BPTF: variants seen among roughly 807,000 people sequenced by gnomAD.
BPTF encodes the protein bromodomain PHD finger transcription factor.
In BPTF, 18 loss-of-function variants were observed where a neutral mutation model predicts 292.5. That is an observed-to-expected ratio of 0.06 (90% CI 0.04 to 0.09). The LOEUF (loss-of-function observed/expected upper bound fraction) is 0.09. BPTF is among the 10% of genes least tolerant of loss of function. The pLI is 1.00. For missense variants in BPTF, 2,726 were observed against 3,498.7 expected (o/e 0.78, Z 5.57); for synonymous variants, 1,225 against 1,251.9 (o/e 0.98, Z 0.45).
chr17:67,844,420 T>C (rs2057862038), intron 1 of BPTF, among the ~76,000 whole-genome samples: 1 of 151,722 alleles, frequency 6.6e-6, no homozygotes, highest in East Asian at 2.0e-4. Flanking sequence ...GCTAATTTTT[T>C]GTATTTGTAG....
rs1555676229 is a variant in BPTF at position 67,947,825 on chromosome 17, G to A, written c.7700+17G>A. On this transcript the variant is annotated intron_variant, in intron 22 of 27. Transcript: ENST00000306378. Reference sequence around the variant, plus strand: ...GAATCAAAGGTAGGGGAGACGCAGGGTCTTGTTGTCTGTCCGTCTCTTCTC... The same window carrying A: ...GAATCAAAGGTAGGGGAGACGCAGGATCTTGTTGTCTGTCCGTCTCTTCTC... The A allele has an allele frequency of 6.5e-7, 1 of 1,547,918 alleles. No homozygotes were observed. Among genetic ancestry groups the A allele is most frequent in the Non-Finnish European group, 8.7e-7 (1 of 1,144,460 alleles).
Position 67,910,812 on chromosome 17 carries a change from ATAT to A in BPTF, c.2993-64_2993-62del. 5 of 1,143,630 alleles carry A rather than the reference ATAT, an allele frequency of 4.4e-6. No homozygotes were observed. In the African/African-American group the frequency reaches 5.3e-5, roughly 12 times the overall value. The allele number at this position is 1,143,630 out of a possible 1,614,324, so 70.8% of individuals were successfully genotyped here. On this transcript the variant is annotated intron_variant, in intron 10 of 27. Transcript: ENST00000306378. Reference sequence around the variant, plus strand: ...GAGACTCCATCTCAAAAAAAAAAATATATATATATAAATTCCTCCTTTCAGAGT... The same window carrying A: ...GAGACTCCATCTCAAAAAAAAAAATAATATATAAATTCCTCCTTTCAGAGT...
At chr17:67,923,170 C>G (rs973601807) in intron 14 of BPTF, among the ~76,000 whole-genome samples, 180 bp downstream of exon 14, 5 of 151,086 alleles carry the variant, frequency 3.3e-5, no homozygotes, top group African/African-American at 9.8e-5. Context: ...ATCCTCCCAC[C>G]TCAGCCTCCC....
At position 67,929,337 on chromosome 17, in the gene BPTF, C is replaced by T. The variant is rs759696294; in HGVS notation, c.6000C>T (p.Gly2000=). 4.5e-5 allele frequency: 72 copies of T among 1,612,092 alleles called. No individual in the cohort carries two copies. The highest frequency in any genetic ancestry group is 2.9e-4 in the East Asian group (13 of 44,880). The part of the protein sequence containing the change: ...TWVKQGQSNS[G]VVQVQQKVLG... Reference sequence around the variant, plus strand: ...ATTATGGCTTCATCTTTTTTTAAGGCGTTGTTCAAGTACAGCAGAAAGTCC... The same window carrying T: ...ATTATGGCTTCATCTTTTTTTAAGGTGTTGTTCAAGTACAGCAGAAAGTCC... Residue 2000 remains glycine (G), a splice_region_variant and synonymous_variant, in exon 17 of 28, where the codon GGC becomes GGT. Transcript: ENST00000306378.
chr17:67,981,811 T>C, intron 27 of BPTF: 1 of 860,890 alleles, frequency 1.2e-6, no homozygotes, highest in Non-Finnish European at 1.4e-6. Flanking sequence ...AAGATTGCTT[T>C]TTCTTTTGTT....
At chr17:67,980,732 A>G (rs2070243865) in intron 27 of BPTF, among the ~76,000 whole-genome samples, 1 of 152,216 alleles carries the variant, frequency 6.6e-6, no homozygotes, top group African/African-American at 2.4e-5. Flanking sequence ...GGGCCTGCAC[A>G]GTGAAGGGGC....
chr17:67,876,022 T>C (rs557946676), intron 4 of BPTF, among the ~76,000 whole-genome samples: 1 of 152,350 alleles, frequency 6.6e-6, no homozygotes, highest in East Asian at 1.9e-4. Flanking sequence ...CAGACCATAG[T>C]GGCAGATATT....
Position 67,922,749 on chromosome 17 carries a change from T to C in BPTF, c.5558-91T>C, listed in dbSNP as rs958646998. On this transcript the variant is annotated intron_variant, in intron 13 of 27. Transcript: ENST00000306378. ...GAGACCATCTGGCTATTTAAGAAGT[T>C]TGCCAACCACTTTTTCATGATAGAA... 2.8e-6 allele frequency: 4 copies of C among 1,420,974 alleles called. No homozygotes were observed. The African/African-American group carries it at 4.4e-5, about 16-fold the overall frequency. 88.0% of individuals were successfully genotyped at this position (1,420,974 alleles called of 1,614,324 possible). A position where few individuals can be genotyped will look rare whatever the true frequency, so the allele number is the denominator to read the frequency against.
chr17:67,880,154 A>G (rs969219948), intron 4 of BPTF, among the ~76,000 whole-genome samples: 1 of 152,056 alleles, frequency 6.6e-6, no homozygotes, highest in Non-Finnish European at 1.5e-5. Flanking sequence ...TATTTTTCCA[A>G]TCTGGAAATT....
intron 1 of BPTF, among the ~76,000 whole-genome samples, chr17:67,838,185 C>T (rs774482754): frequency 6.6e-6 from 1 of 152,214 alleles, no homozygotes; most frequent in Non-Finnish European, 1.5e-5. Flanking sequence ...AACAAATGAG[C>T]ATGGCTGCTT....
rs1220662657 is a variant in BPTF, at chr17:67,922,970, G to A, written c.5688G>A (p.Glu1896=). Residue 1896 remains glutamate, a synonymous_variant, in exon 14 of 28, where the codon GAG becomes GAA. Transcript: ENST00000306378. ...CAGAAGAAGAACTGGAATTGTGGGA[G>A]ATCAGGGCATTTGCTGAGAGGTAAG... ...WVAEEELELW[E]IRAFAERVEK... is the part of the protein sequence containing the mutation. The A allele has an allele frequency of 1.2e-5, 19 of 1,613,688 alleles. No homozygotes were observed. The highest frequency in any genetic ancestry group is 1.7e-5 in the Admixed American group (1 of 59,918).
intron 4 of BPTF, among the ~76,000 whole-genome samples, chr17:67,888,589 C>CA (rs776548348): frequency 0.22 from 12,868 of 58,502 alleles, 1,217 homozygotes; most frequent in East Asian, 0.63. Context: ...GACTCCGTCT[C>CA]AAAAAAAAAA....
At chr17:67,873,376 T>C (rs2059866153) in intron 3 of BPTF, among the ~76,000 whole-genome samples, 1 of 150,834 alleles carries the variant, frequency 6.6e-6, no homozygotes, top group African/African-American at 2.4e-5. Context: ...GAGAATTGCT[T>C]GAACCTGGGA....
chr17:67,915,285 G>A (rs971476760), intron 11 of BPTF, among the ~76,000 whole-genome samples: 4 of 152,090 alleles, frequency 2.6e-5, no homozygotes, highest in Admixed American at 2.6e-4. Flanking sequence ...GTCCTCCACA[G>A]TGCTGCCAGA....
chr17:67,854,907 G>C lies in BPTF; in HGVS notation c.1436+145G>C, dbSNP rs1002977742. On this transcript the variant is annotated intron_variant, in intron 2 of 27. Transcript: ENST00000306378. The surrounding 1 kb of genome is among the most constrained non-coding windows in gnomAD (Gnocchi z 5.6). ...ACAGTTAAATAATTTCTTAATTGAA[G>C]GAATATGTGCATTAAAATAGCTTTT... The C allele has an allele frequency of 2.7e-5, 17 of 637,056 alleles. No homozygotes were observed. In the African/African-American group the frequency reaches 2.8e-4, roughly 10 times the overall value. The allele number at this position is 637,056 out of a possible 1,614,324, so 39.5% of individuals were successfully genotyped here. A position where few individuals can be genotyped will look rare whatever the true frequency, so the allele number is the denominator to read the frequency against.
chr17:67,939,543 CTTCA>C (rs1234892352), intron 18 of BPTF, among the ~76,000 whole-genome samples: 1 of 152,204 alleles, frequency 6.6e-6, no homozygotes, highest in Non-Finnish European at 1.5e-5. Context: ...TCCAGTTCAA[CTTCA>C]TTCATTCAAT....
At chr17:67,851,518 T>A (rs1253675923) in intron 1 of BPTF, among the ~76,000 whole-genome samples, 1 of 152,236 alleles carries the variant, frequency 6.6e-6, no homozygotes, top group Non-Finnish European at 1.5e-5. Flanking sequence ...GCAGCATGTT[T>A]TAAAAGTAGA....
chr17:67,957,994 G>A (rs190531601), intron 23 of BPTF, among the ~76,000 whole-genome samples: 190 of 152,304 alleles, frequency 1.2e-3, no homozygotes, highest in African/African-American at 4.4e-3. Context: ...CCACTAGATA[G>A]CAGAAGAGGT....
intron 27 of BPTF, among the ~76,000 whole-genome samples, chr17:67,977,463 T>C (rs2069639533): frequency 6.6e-6 from 1 of 151,230 alleles, no homozygotes; most frequent in Non-Finnish European, 1.5e-5. Flanking sequence ...TGCAGTGAGC[T>C]GAGATTGCGC....
Sources: gnomAD v4.1 joint callset for allele counts (sites outside exome capture counted in the v4.1 genomes callset) on GRCh38, gnomAD v4.1.1 for gene constraint, Gnocchi (gnomAD v3.1) non-coding constraint, MANE v1.5 for transcripts, NCBI Gene and HGNC (gene_info 2026-07-23, HGNC 2026-07-21) for gene names.